NSRP1: variants seen among roughly 807,000 people sequenced by gnomAD.
NSRP1 encodes nuclear speckle splicing regulatory protein 1.
Under a neutral mutation model 54.7 loss-of-function variants are expected in NSRP1, and 24 were observed. That is an observed-to-expected ratio of 0.44 (90% confidence interval 0.32 to 0.62). NSRP1 has a LOEUF of 0.62. Ranked by LOEUF, NSRP1 falls within the 20% of genes least tolerant of loss-of-function variation. The pLI, the probability that NSRP1 is intolerant of heterozygous loss-of-function variation, is 0.06. For missense variants in NSRP1, 596 were observed against 651.2 expected, an observed-to-expected ratio of 0.92 and a Z score of 0.92; for synonymous variants, 210 against 213.8, an observed-to-expected ratio of 0.98 and a Z score of 0.15.
At position 30,163,829 on chromosome 17, in the gene NSRP1, C is replaced by T. The variant is rs767687016; in HGVS notation, c.115-8713C>T. On this transcript the variant is annotated intron_variant, in intron 2 of 6. Transcript: ENST00000247026. ...CCCCGAGTAGCTGGGACTACAGGCGCGCGCCACCATGCCCAACTAATTTTT... is the reference window on the plus strand; with the variant it reads ...CCCCGAGTAGCTGGGACTACAGGCGTGCGCCACCATGCCCAACTAATTTTT... Among the ~76,000 whole-genome samples, 6 of 151,894 alleles carry T rather than the reference C, an allele frequency of 4.0e-5. No individual in the cohort carries two copies. In the East Asian group the frequency reaches 5.8e-4, roughly 15 times the overall value.
At chr17:30,118,614 G>C (rs1354675916) in intron 2 of NSRP1, among the ~76,000 whole-genome samples, 1 of 152,160 alleles carries the variant, frequency 6.6e-6, no homozygotes, top group East Asian at 1.9e-4. Flanking sequence ...TATAATCGTG[G>C]TAGTGAATAG....
intron 2 of NSRP1, among the ~76,000 whole-genome samples, chr17:30,121,625 G>C (rs1352833245): frequency 6.7e-6 from 1 of 149,656 alleles, no homozygotes; most frequent in Non-Finnish European, 1.5e-5. Context: ...GTGCGGTGGC[G>C]TGATCTCGGC....
At chr17:30,132,898 G>C (rs1301208714) in intron 2 of NSRP1, among the ~76,000 whole-genome samples, 1 of 152,194 alleles carries the variant, frequency 6.6e-6, no homozygotes, top group Non-Finnish European at 1.5e-5. Flanking sequence ...GCCCACATCT[G>C]TCAGAGGAAT....
Position 30,128,244 on chromosome 17 carries a change from A to G in NSRP1, c.114+10071A>G, listed in dbSNP as rs865997856. The G allele has an allele frequency of 1.8e-4, 28 of 153,556 alleles. No homozygotes were observed. The South Asian group carries it at 2.5e-3, about 14-fold the overall frequency. The allele number at this position is 153,556 out of a possible 1,614,324, so 9.5% of individuals were successfully genotyped here. A position where few individuals can be genotyped will look rare whatever the true frequency, so the allele number is the denominator to read the frequency against. On this transcript the variant is annotated intron_variant, in intron 2 of 6. Transcript: ENST00000247026. ...AGTATATTCCTTTTATAGGTTAAGC[A>G]TTTATAGAAATTATAAGGGAAACAT... is the stretch of plus-strand genomic sequence containing the variant.
At chr17:30,147,989 T>C (rs983872294) in intron 2 of NSRP1, among the ~76,000 whole-genome samples, 8 of 151,848 alleles carry the variant, frequency 5.3e-5, no homozygotes, top group African/African-American at 1.9e-4. Flanking sequence ...TTTTTTGTAT[T>C]TTTGGTAGAG....
intron 2 of NSRP1, among the ~76,000 whole-genome samples, chr17:30,155,188 A>G (rs2071950295): frequency 6.6e-6 from 1 of 152,100 alleles, no homozygotes; most frequent in South Asian, 2.1e-4. Context: ...CATGTGGTGC[A>G]TAATATGGAT....
intron 2 of NSRP1, among the ~76,000 whole-genome samples, chr17:30,171,983 CTCT>C (rs1567804424): frequency 3.5e-4 from 37 of 105,330 alleles, no homozygotes; most frequent in African/African-American, 9.5e-4. Context: ...CTCCCTCTCT[CTCT>C]CTCTCTCTCT....
rs532614422 is a variant in NSRP1, at chr17:30,177,029, G to A, written c.172-1042G>A. 4.0e-5 allele frequency among the ~76,000 whole-genome samples: 6 copies of A among 151,800 alleles called. No homozygotes were observed. In the East Asian group the frequency reaches 1.2e-3, roughly 29 times the overall value. On this transcript the variant is annotated intron_variant, in intron 3 of 6. Coordinates refer to ENST00000247026, the MANE Select transcript of NSRP1 (RefSeq NM_032141.4). The stretch of plus-strand genomic sequence containing the variant: ...AAAGTGTGTAGACTCTGTACCTCAG[G>A]AATTTACAACCGGGGGCAAAAGGCT...
At chr17:30,183,319 A>G (rs1905381588) in intron 6 of NSRP1, among the ~76,000 whole-genome samples, 1 of 151,972 alleles carries the variant, frequency 6.6e-6, no homozygotes, top group African/African-American at 2.4e-5. Flanking sequence ...AGGTGAGGAG[A>G]GGAAGTTTAT....
chr17:30,129,750 G>C (rs969362551), intron 2 of NSRP1, among the ~76,000 whole-genome samples: 1 of 152,138 alleles, frequency 6.6e-6, no homozygotes, highest in African/African-American at 2.4e-5. Context: ...CCTTACTTCT[G>C]TAGATATAGT....
intron 2 of NSRP1, among the ~76,000 whole-genome samples, chr17:30,151,048 A>G (rs2071904602): frequency 6.6e-6 from 1 of 152,054 alleles, no homozygotes; most frequent in African/African-American, 2.4e-5. Context: ...TTGGGTACGA[A>G]GTGGTATTTC....
intron 2 of NSRP1, among the ~76,000 whole-genome samples, chr17:30,131,060 T>G (rs1024091410): frequency 6.6e-6 from 1 of 152,190 alleles, no homozygotes; most frequent in Non-Finnish European, 1.5e-5. Context: ...TTTAGAAGAT[T>G]ACAGAGCTGT....
chr17:30,147,301 T>G (rs1234892014), intron 2 of NSRP1, among the ~76,000 whole-genome samples: 2 of 151,702 alleles, frequency 1.3e-5, no homozygotes, highest in African/African-American at 4.8e-5. Context: ...AGCTAATTTT[T>G]GTATTTTTAG....
In NSRP1 at chr17:30,185,182, T is replaced by C. The variant is rs1227273125; in HGVS notation, c.1185T>C (p.Asp395=). 1.8e-5 allele frequency: 28 copies of C among 1,569,790 alleles called. No individual in the cohort carries two copies. The highest frequency in any genetic ancestry group is 2.4e-5 in the Non-Finnish European group (28 of 1,158,168). ...ATTCCCAAAGAGAACAAGAAAGAGATAGACAACAAAATGATCAGAACCGAC... is the reference window on the plus strand; with the variant it reads ...ATTCCCAAAGAGAACAAGAAAGAGACAGACAACAAAATGATCAGAACCGAC... ...EKYSQREQER[D]RQQNDQNRPS... is the part of the protein sequence containing the mutation. The change falls in exon 7 of 7, where the codon GAT becomes GAC. Residue 395 remains aspartate (D), a synonymous_variant. Transcript: ENST00000247026.
At chr17:30,134,750 T>G (rs1029526244) in intron 2 of NSRP1, among the ~76,000 whole-genome samples, 6 of 152,178 alleles carry the variant, frequency 3.9e-5, no homozygotes, top group African/African-American at 1.2e-4. Context: ...TAATGGAATT[T>G]CCAGAGTTTC....
rs1214229964 is a variant in NSRP1 at position 30,122,369 on chromosome 17, A to ATATATATG, written c.114+4203_114+4204insGTATATAT. On this transcript the variant is annotated intron_variant, in intron 2 of 6. Transcript: ENST00000247026. ...TCTGGTTTCATATATATATATATAT[A>ATATATATG]TATATATATATATATATTTTTTTTT... is the stretch of plus-strand genomic sequence containing the variant. 3 of 21,098 alleles carry ATATATATG rather than the reference A, an allele frequency of 1.4e-4. No individual in the cohort carries two copies. In the South Asian group the frequency reaches 8.8e-3, roughly 62 times the overall value. 1.3% of individuals were successfully genotyped at this position (21,098 alleles called of 1,614,324 possible).
intron 2 of NSRP1, among the ~76,000 whole-genome samples, chr17:30,161,866 GAGT>G (rs1263147073): frequency 6.6e-6 from 1 of 152,098 alleles, no homozygotes; most frequent in Non-Finnish European, 1.5e-5. Context: ...TGCCAGGGTT[GAGT>G]AATACCATTT....
intron 2 of NSRP1, among the ~76,000 whole-genome samples, chr17:30,131,006 G>A (rs140752453): frequency 5.9e-5 from 9 of 152,204 alleles, no homozygotes; most frequent in African/African-American, 2.2e-4. Flanking sequence ...GGTGGTGGGG[G>A]GTGATAAGTA....
intron 2 of NSRP1, among the ~76,000 whole-genome samples, chr17:30,139,685 G>T (rs1301247198): frequency 3.3e-5 from 5 of 151,830 alleles, no homozygotes; most frequent in Non-Finnish European, 7.4e-5. Context: ...GTCCTTGGGA[G>T]TTACTTAGGA....
Sources: gnomAD v4.1 joint callset for allele counts (sites outside exome capture counted in the v4.1 genomes callset) on GRCh38, gnomAD v4.1.1 for gene constraint, MANE v1.5 for transcripts, NCBI Gene and HGNC (gene_info 2026-07-23, HGNC 2026-07-21) for gene names.